PNLIP: variants seen among roughly 807,000 people sequenced by gnomAD.
PNLIP encodes pancreatic triacylglycerol lipase.
PNLIP carries 49 observed loss-of-function variants against 57.1 expected under a neutral mutation model. That is an observed-to-expected ratio of 0.86 (90% confidence interval 0.68 to 1.09). PNLIP has a LOEUF of 1.09. Ranked by LOEUF, PNLIP falls within the 50% of genes least tolerant of loss-of-function variation. The probability of loss-of-function intolerance (pLI) is 0.00; values close to 1 mark genes in which losing one functional copy is unlikely to be tolerated. For missense variants in PNLIP, 503 were observed against 570.2 expected (o/e 0.88, Z 1.20); for synonymous variants, 209 against 200.4 (o/e 1.04, Z -0.36).
At chr10:116,565,912 G>A (rs187600166) in intron 12 of PNLIP, among the ~76,000 whole-genome samples, 8 of 152,270 alleles carry the variant, frequency 5.3e-5, no homozygotes, top group Non-Finnish European at 7.4e-5. Context: ...GGGTTCAAGC[G>A]ATTCTCCTGC....
chr10:116,547,280 C>T lies in PNLIP; in HGVS notation c.47-14C>T, dbSNP rs747329527. The T allele has an allele frequency of 1.9e-6, 3 of 1,613,122 alleles. No individual in the cohort carries two copies. The highest frequency in any genetic ancestry group is 1.1e-5 in the South Asian group (1 of 91,050). On this transcript the variant is annotated splice_polypyrimidine_tract_variant and intron_variant, in intron 2 of 12. Coordinates refer to ENST00000369221, the MANE Select transcript of PNLIP (RefSeq NM_000936.4). ...GCATGTTTGTAAAACTAATATCCTT[C>T]TGGGGGATTGCAGGAAAAGAAGTTT...
At chr10:116,548,229 GC>G in intron 3 of PNLIP, 130 bp from the exon 4 acceptor site, 1 of 773,944 alleles carries the variant, frequency 1.3e-6, no homozygotes, top group Non-Finnish European at 2.1e-6. Context: ...TACTGTGGTT[GC>G]TATGGAGGAA....
chr10:116,546,714 T>C (rs745982995), intron 2 of PNLIP, among the ~76,000 whole-genome samples: 1 of 152,240 alleles, frequency 6.6e-6, no homozygotes, highest in African/African-American at 2.4e-5. Context: ...CTACCATTAA[T>C]CTAGATTTAT....
Position 116,561,543 on chromosome 10 carries a change from T to A in PNLIP, c.1241T>A (p.Met414Lys), listed in dbSNP as rs111319548. 1,152 of 1,613,828 alleles carry A rather than the reference T, an allele frequency of 7.1e-4. 6 individuals carry two copies. The African/African-American group carries it at 0.013, about 18-fold the overall frequency. ...DSDVDVGDLQMVKFIWYNNVI... is the reference protein window; with the variant it reads ...DSDVDVGDLQKVKFIWYNNVI... Reference sequence around the variant, plus strand: ...GATGTGGATGTTGGGGACTTGCAGATGGTTAAATTTATTTGGTATAACAAT... The same window carrying A: ...GATGTGGATGTTGGGGACTTGCAGAAGGTTAAATTTATTTGGTATAACAAT... Residue 414 changes from methionine (M) to lysine (K), a missense_variant, in exon 12 of 13, where the codon ATG (methionine) becomes AAG (lysine). Coordinates refer to ENST00000369221, the MANE Select transcript of PNLIP (RefSeq NM_000936.4).
chr10:116,548,694 T>C (rs942184425), intron 4 of PNLIP, among the ~76,000 whole-genome samples: 1 of 152,128 alleles, frequency 6.6e-6, no homozygotes, highest in Non-Finnish European at 1.5e-5. Context: ...GGCAAGCACT[T>C]GGTGGATCTA....
intron 6 of PNLIP, among the ~76,000 whole-genome samples, chr10:116,554,913 A>G (rs1330646913): frequency 1.3e-5 from 2 of 152,174 alleles, no homozygotes; most frequent in African/African-American, 4.8e-5. Flanking sequence ...TTTTTAGTCC[A>G]GTGTGTCCCA....
chr10:116,555,273 G>T lies in PNLIP; in HGVS notation c.667G>T (p.Gly223Cys), dbSNP rs1462194805. The T allele has an allele frequency of 6.2e-7, 1 of 1,614,178 alleles. No homozygotes were observed. Among genetic ancestry groups the T allele is most frequent in the Non-Finnish European group, 8.5e-7 (1 of 1,180,030 alleles). The change falls in exon 7 of 13, where the codon GGT (glycine) becomes TGT (cysteine). Residue 223 changes from glycine (G) to cysteine (C), a missense_variant. By Grantham distance (159) the Gly-to-Cys change is radical. Transcript: ENST00000369221. Reference sequence around the variant, plus strand: ...ATTTGTGGATGTAATTCACACGGATGGTGCCCCCATAGTCCCCAATTTGGG... The same window carrying T: ...ATTTGTGGATGTAATTCACACGGATTGTGCCCCCATAGTCCCCAATTTGGG... The part of the protein sequence containing the change: ...AKFVDVIHTD[G>C]APIVPNLGFG...
In PNLIP at chr10:116,547,311, G is replaced by A. The variant is rs568629341; in HGVS notation, c.64G>A (p.Glu22Lys). 6.3e-5 allele frequency: 102 copies of A among 1,614,078 alleles called. No individual in the cohort carries two copies. The South Asian group carries it at 8.1e-4, about 13-fold the overall frequency. ...GATTGCAGGAAAAGAAGTTTGCTAC[G>A]AAAGACTCGGCTGCTTCAGTGATGA... ...GAVAGKEVCY[E>K]RLGCFSDDSP... Residue 22 changes from glutamate to lysine, a missense_variant, in exon 3 of 13, where the codon GAA becomes AAA. By Grantham distance (56) the Glu-to-Lys change is moderately conservative. Coordinates refer to ENST00000369221, the MANE Select transcript of PNLIP (RefSeq NM_000936.4).
intron 6 of PNLIP, 35 bp downstream of exon 6, chr10:116,553,873 G>T: frequency 7.7e-7 from 1 of 1,305,186 alleles, no homozygotes. Flanking sequence ...CAGGGGGGTT[G>T]AGGCAAGATG....
chr10:116,547,179 T>C, intron 2 of PNLIP, 115 bp from the exon 3 acceptor site: 1 of 928,536 alleles, frequency 1.1e-6, no homozygotes. Flanking sequence ...AGGAGGGTGT[T>C]GAGAGTAGCA....
intron 6 of PNLIP, 26 bp downstream of exon 6, chr10:116,553,864 AG>A: frequency 2.1e-6 from 3 of 1,398,670 alleles, no homozygotes; most frequent in Non-Finnish European, 2.0e-6. Context: ...GAAAGATACC[AG>A]GGGGGTTGAG....
intron 2 of PNLIP, 46 bp downstream of exon 2, chr10:116,546,184 A>G: frequency 6.4e-7 from 1 of 1,551,330 alleles, no homozygotes; most frequent in Non-Finnish European, 8.9e-7. Context: ...TCACTTTTCA[A>G]CACGGTCAGG....
Position 116,547,368 on chromosome 10 carries a change from C to T in PNLIP, c.121C>T (p.Leu41Phe), listed in dbSNP as rs1314858266. Residue 41 changes from leucine to phenylalanine, a missense_variant, in exon 3 of 13, where the codon CTC becomes TTC. By Grantham distance (22) the Leu-to-Phe change is conservative. Transcript: ENST00000369221. ...ATGGTCAGGAATTACGGAAAGACCC[C>T]TCCATATATTGCCTTGGTCTCCAAA... ...SPWSGITERP[L>F]HILPWSPKDV... is the part of the protein sequence containing the mutation. 9.9e-6 allele frequency: 16 copies of T among 1,613,870 alleles called. No homozygotes were observed. Among genetic ancestry groups the T allele is most frequent in the Non-Finnish European group, 1.4e-5 (16 of 1,179,886 alleles).
intron 6 of PNLIP, 88 bp downstream of exon 6, chr10:116,553,926 G>A (rs1400115944): frequency 4.6e-6 from 3 of 655,404 alleles, no homozygotes; most frequent in African/African-American, 3.8e-5. Flanking sequence ...GGGCAACATA[G>A]CGAGACTCCT....
intron 9 of PNLIP, among the ~76,000 whole-genome samples, chr10:116,558,231 T>C (rs1000948831): frequency 1.2e-4 from 18 of 148,166 alleles, no homozygotes; most frequent in Admixed American, 4.1e-4. Flanking sequence ...GGAGTCTCGC[T>C]CTGTCACCCA....
At chr10:116,552,729 A>G (rs540446768) in intron 5 of PNLIP, among the ~76,000 whole-genome samples, 1 of 152,046 alleles carries the variant, frequency 6.6e-6, no homozygotes, top group Non-Finnish European at 1.5e-5. Flanking sequence ...TACTAAAAAT[A>G]CAGAAAATTA....
rs149567242 is a variant in PNLIP at position 116,561,514 on chromosome 10, C to T, written c.1212C>T (p.Asp404=). Residue 404 remains aspartate, a synonymous_variant, in exon 12 of 13, where the codon GAC becomes GAT. Transcript: ENST00000369221. ...ATAGTACTCATTCCAATGAATTTGA[C>T]TCAGATGTGGATGTTGGGGACTTGC... ...KPDSTHSNEF[D]SDVDVGDLQM... is the part of the protein sequence containing the mutation. The T allele has an allele frequency of 1.4e-5, 23 of 1,613,768 alleles. No homozygotes were observed. Among genetic ancestry groups the T allele is most frequent in the Non-Finnish European group, 1.9e-5 (23 of 1,179,874 alleles).
At chr10:116,560,224 C>T (rs530081080) in intron 10 of PNLIP, among the ~76,000 whole-genome samples, 192 bp from the exon 11 acceptor site, 1 of 151,616 alleles carries the variant, frequency 6.6e-6, no homozygotes, top group South Asian at 2.1e-4. Context: ...TACCTAATGC[C>T]TGTCCCCTAA....
At chr10:116,554,698 C>T (rs1378621639) in intron 6 of PNLIP, among the ~76,000 whole-genome samples, 1 of 152,170 alleles carries the variant, frequency 6.6e-6, no homozygotes, top group Non-Finnish European at 1.5e-5. Context: ...TTGGGATAAT[C>T]TGGACTGCCT....
Sources: gnomAD v4.1 joint callset for allele counts (sites outside exome capture counted in the v4.1 genomes callset) on GRCh38, gnomAD v4.1.1 for gene constraint, MANE v1.5 for transcripts, NCBI Gene and HGNC (gene_info 2026-07-23, HGNC 2026-07-21) for gene names.